Variants in RNFT2 observed in about 807,000 individuals in gnomAD.
RNFT2 encodes ring finger protein, transmembrane 2.
RNFT2 carries 36 observed loss-of-function variants against 53.0 expected under a neutral mutation model. The ratio of observed to expected loss-of-function variants is 0.68; its 90% CI spans 0.52 to 0.90. The LOEUF (loss-of-function observed/expected upper bound fraction) is 0.90. RNFT2 is among the 40% of genes least tolerant of loss of function. The probability of loss-of-function intolerance (pLI) is 0.00; values close to 1 mark genes in which losing one functional copy is unlikely to be tolerated. For missense variants in RNFT2, 514 were observed against 585.6 expected, an observed-to-expected ratio of 0.88 and a Z score of 1.26; for synonymous variants, 260 against 253.2, an observed-to-expected ratio of 1.03 and a Z score of -0.26.
At chr12:116,818,117 A>G (rs978484553) in intron 7 of RNFT2, among the ~76,000 whole-genome samples, 3 of 152,154 alleles carry the variant, frequency 2.0e-5, no homozygotes, top group East Asian at 3.9e-4. Context: ...AAAAATATTT[A>G]CCAGCCTGGG....
intron 4 of RNFT2, among the ~76,000 whole-genome samples, chr12:116,752,945 C>T (rs368057295): frequency 2.0e-5 from 3 of 152,118 alleles, no homozygotes; most frequent in African/African-American, 7.2e-5. Context: ...AAGCAGGACT[C>T]GAAAATCATT....
intron 3 of RNFT2, among the ~76,000 whole-genome samples, chr12:116,747,223 C>G (rs1190250146): frequency 6.6e-6 from 1 of 152,040 alleles, no homozygotes; most frequent in African/African-American, 2.4e-5. Flanking sequence ...TGCCTGGCTA[C>G]TTTTTAATTT....
chr12:116,811,247 AAG>A (rs978538270), intron 7 of RNFT2, among the ~76,000 whole-genome samples: 11 of 152,156 alleles, frequency 7.2e-5, no homozygotes, highest in Non-Finnish European at 4.4e-5. Flanking sequence ...TCAAAAAAAA[AAG>A]AAATATTCCT....
intron 6 of RNFT2, among the ~76,000 whole-genome samples, chr12:116,772,935 T>C (rs970271927): frequency 2.0e-5 from 3 of 152,078 alleles, no homozygotes; most frequent in African/African-American, 7.2e-5. Flanking sequence ...TTCAAGCAAT[T>C]CTCCTGCCTC....
chr12:116,851,810 C>A lies in RNFT2; in HGVS notation c.*2362C>A. 1 of 1,040,952 alleles carries A rather than the reference C, an allele frequency of 9.6e-7. No individual in the cohort carries two copies. The highest frequency in any genetic ancestry group is 1.4e-6 in the Non-Finnish European group (1 of 695,282). 64.5% of individuals were successfully genotyped at this position (1,040,952 alleles called of 1,614,324 possible). On this transcript the variant is annotated 3_prime_UTR_variant, in exon 11 of 11. Transcript: ENST00000257575. ...AGGAAGGAAGGAAAGAAAGAAAGGT[C>A]AGCTTTGGCCCAGATGTGGTTACCC...
intron 7 of RNFT2, among the ~76,000 whole-genome samples, chr12:116,821,348 G>A (rs1254213729): frequency 2.6e-5 from 4 of 152,004 alleles, no homozygotes; most frequent in Middle Eastern, 3.4e-3. Context: ...GTCCAGCCCC[G>A]ATCCCACCCC....
chr12:116,775,055 A>G (rs1873367435), intron 6 of RNFT2, among the ~76,000 whole-genome samples: 1 of 152,006 alleles, frequency 6.6e-6, no homozygotes, highest in Non-Finnish European at 1.5e-5. Flanking sequence ...TGAGGTCAGG[A>G]GTTTGAACCA....
intron 7 of RNFT2, among the ~76,000 whole-genome samples, chr12:116,815,151 A>G (rs1049511913): frequency 1.3e-5 from 2 of 152,148 alleles, no homozygotes; most frequent in Non-Finnish European, 2.9e-5. Flanking sequence ...TTGTAACCAC[A>G]GCTCAGAGGC....
At chr12:116,738,758 C>T (rs1468047547) in intron 1 of RNFT2, 1 of 152,100 alleles carries the variant, frequency 6.6e-6, no homozygotes, top group Non-Finnish European at 1.5e-5. Flanking sequence ...ACAAAGAATC[C>T]GAAGCCTCTT....
intron 3 of RNFT2, among the ~76,000 whole-genome samples, chr12:116,746,981 G>A (rs1281345269): frequency 6.6e-6 from 1 of 152,132 alleles, no homozygotes; most frequent in East Asian, 1.9e-4. Context: ...TTGTATCTGT[G>A]GGTTTTGGTC....
chr12:116,758,671 A>AG (rs1198407238), intron 5 of RNFT2, among the ~76,000 whole-genome samples: 8 of 152,194 alleles, frequency 5.3e-5, no homozygotes, highest in African/African-American at 1.9e-4. Flanking sequence ...TTGTTTGAGG[A>AG]GGCTGAAGAT....
At chr12:116,822,293 G>A (rs1876080375) in intron 7 of RNFT2, among the ~76,000 whole-genome samples, 1 of 151,930 alleles carries the variant, frequency 6.6e-6, no homozygotes, top group Non-Finnish European at 1.5e-5. Flanking sequence ...AGGGAAGCAG[G>A]GCCATCATTT....
intron 7 of RNFT2, among the ~76,000 whole-genome samples, chr12:116,822,934 T>C (rs112592208): frequency 0.041 from 6,221 of 152,236 alleles, 427 homozygotes; most frequent in African/African-American, 0.14. Flanking sequence ...GAGGCAGAGA[T>C]TGCAGTGAGC....
chr12:116,841,972 GA>G (rs1565876314), intron 10 of RNFT2, among the ~76,000 whole-genome samples: 4 of 132,936 alleles, frequency 3.0e-5, no homozygotes, highest in African/African-American at 1.1e-4. Context: ...GAGAGAGAGA[GA>G]GAGAGAGAGA....
chr12:116,836,291 G>A lies in RNFT2; in HGVS notation c.1200+9G>A. ...TGATTCTCCTGTGCCAGGTGAGCAG[G>A]GCTCAGGCGGGACCATTGGAGACCA... On this transcript the variant is annotated intron_variant, in intron 10 of 10. Coordinates refer to ENST00000257575, the MANE Select transcript of RNFT2 (RefSeq NM_001382266.1). The A allele has an allele frequency of 6.4e-7, 1 of 1,559,320 alleles. No individual in the cohort carries two copies. Among genetic ancestry groups the A allele is most frequent in the Non-Finnish European group, 8.7e-7 (1 of 1,151,162 alleles).
At chr12:116,836,753 T>A (rs1416888033) in intron 10 of RNFT2, among the ~76,000 whole-genome samples, 1 of 151,804 alleles carries the variant, frequency 6.6e-6, no homozygotes, top group Non-Finnish European at 1.5e-5. Flanking sequence ...GGTGAAACCC[T>A]GTCTCTACTA....
Position 116,806,378 on chromosome 12 carries a change from AAAAATATAT to A in RNFT2, c.882+27032_882+27040del, listed in dbSNP as rs761060893. Among the ~76,000 whole-genome samples, 231 of 132,604 alleles carry A rather than the reference AAAAATATAT, an allele frequency of 1.7e-3. 3 individuals carry two copies. The highest frequency in any genetic ancestry group is 6.8e-3 in the African/African-American group (204 of 29,892). 87.0% of individuals were successfully genotyped at this position (132,604 alleles called of 152,430 possible). On this transcript the variant is annotated intron_variant, in intron 7 of 10. Transcript: ENST00000257575. ...GAGTGAGACTGTCTCAAAAAAAAAA[AAAAATATAT>A]ATATATATATATAGATAGATAGATA... is the stretch of plus-strand genomic sequence containing the variant.
At chr12:116,830,685 G>T (rs1876595560) in intron 7 of RNFT2, among the ~76,000 whole-genome samples, 1 of 152,042 alleles carries the variant, frequency 6.6e-6, no homozygotes, top group African/African-American at 2.4e-5. Flanking sequence ...TGAAGTAGGT[G>T]GATCACCTGT....
At chr12:116,817,026 T>G (rs1169362416) in intron 7 of RNFT2, among the ~76,000 whole-genome samples, 1 of 152,190 alleles carries the variant, frequency 6.6e-6, no homozygotes, top group Non-Finnish European at 1.5e-5. Context: ...TTTGTTTTGT[T>G]TTTTGAGATG....
Sources: allele counts gnomAD v4.1 joint callset (sites outside exome capture counted in the v4.1 genomes callset), GRCh38; gene constraint gnomAD v4.1.1; transcripts MANE v1.5; gene names NCBI Gene and HGNC (gene_info 2026-07-23, HGNC 2026-07-21).